MYH14: variants seen among roughly 807,000 people sequenced by gnomAD.
MYH14 encodes the protein myosin-14.
In MYH14, 123 loss-of-function variants were observed where a neutral mutation model predicts 255.5. The ratio of observed to expected loss-of-function variants is 0.48; its 90% CI spans 0.42 to 0.56. MYH14 has a LOEUF of 0.56. MYH14 is among the 20% of genes least tolerant of loss of function. MYH14 has a pLI of 0.00. For missense variants in MYH14, 2,423 were observed against 2,802.3 expected, an observed-to-expected ratio of 0.86 and a Z score of 3.06; for synonymous variants, 1,095 against 1,161.2, an observed-to-expected ratio of 0.94 and a Z score of 1.16.
chr19:50,260,740 CGTGTGTGCGTGTGT>C (rs1355123405), intron 20 of MYH14, 25 bp downstream of exon 20: 7 of 1,468,052 alleles, frequency 4.8e-6, no homozygotes, highest in Non-Finnish European at 6.4e-6. Context: ...GCCTGGAATG[CGTGTGTGCGTGTGT>C]GTGTGTGCGT....
chr19:50,223,081 A>G lies in MYH14; in HGVS notation c.563-2A>G. 6.2e-7 allele frequency: 1 copy of G among 1,613,524 alleles called. No homozygotes were observed. The highest frequency in any genetic ancestry group is 8.5e-7 in the Non-Finnish European group (1 of 1,179,476). On this transcript the variant is annotated splice_acceptor_variant, in intron 3 of 42. Coordinates refer to ENST00000642316, the MANE Select transcript of MYH14 (RefSeq NM_001145809.2). LOFTEE classifies it high-confidence loss of function. Reference sequence around the variant, plus strand: ...CATATTCCCCCACTCTGTCCCCTACAGATCGTGAGGACCAGTCCATTCTCT... The same window carrying G: ...CATATTCCCCCACTCTGTCCCCTACGGATCGTGAGGACCAGTCCATTCTCT...
At chr19:50,305,390 T>A (rs938167311) in intron 40 of MYH14, among the ~76,000 whole-genome samples, 1 of 152,066 alleles carries the variant, frequency 6.6e-6, no homozygotes, top group Non-Finnish European at 1.5e-5. Flanking sequence ...GCCTGGTGAC[T>A]GAGGGAATAT....
chr19:50,259,395 C>G, intron 19 of MYH14, 130 bp downstream of exon 19: 1 of 1,242,834 alleles, frequency 8.0e-7, no homozygotes, highest in Non-Finnish European at 1.1e-6. Context: ...AGGCAGATTA[C>G]TCACTTTGCT....
In MYH14 at chr19:50,252,847, C is replaced by A; in HGVS notation, c.1945+94C>A. 2 of 880,034 alleles carry A rather than the reference C, an allele frequency of 2.3e-6. No individual in the cohort carries two copies. Among genetic ancestry groups the A allele is most frequent in the South Asian group, 1.7e-5 (1 of 60,420 alleles). 54.5% of individuals were successfully genotyped at this position (880,034 alleles called of 1,614,324 possible). A position where few individuals can be genotyped will look rare whatever the true frequency, so the allele number is the denominator to read the frequency against. On this transcript the variant is annotated intron_variant, in intron 16 of 42. Transcript: ENST00000642316. This position sits in a 1 kb window ranked among gnomAD's most constrained non-coding sequence, Gnocchi z 4.2. ...GCACCTTTGTTTCAGAGGCGGAGGTCTGAACCTGAGTTTTCTGCTCAGACC... is the reference window on the plus strand; with the variant it reads ...GCACCTTTGTTTCAGAGGCGGAGGTATGAACCTGAGTTTTCTGCTCAGACC...
chr19:50,217,491 T>C (rs920877658), intron 2 of MYH14, 124 bp from the exon 3 acceptor site: 8 of 1,052,426 alleles, frequency 7.6e-6, no homozygotes, highest in Non-Finnish European at 1.2e-5. Flanking sequence ...TACATTGTTA[T>C]GGTGTAGACA....
At chr19:50,291,175 G>C in intron 36 of MYH14, 127 bp downstream of exon 36, 2 of 776,978 alleles carry the variant, frequency 2.6e-6, no homozygotes, top group Non-Finnish European at 1.9e-6. Context: ...GCATGGGTCA[G>C]CACCTTTATA....
intron 10 of MYH14, among the ~76,000 whole-genome samples, chr19:50,232,603 A>C (rs1188412898): frequency 6.0e-5 from 9 of 151,046 alleles, no homozygotes; most frequent in African/African-American, 1.7e-4. Flanking sequence ...CAAAAAAAAA[A>C]AAAAAAAAAA....
intron 27 of MYH14, 32 bp from the exon 28 acceptor site, chr19:50,275,959 T>TGGGG (rs756259212): frequency 1.9e-6 from 3 of 1,569,932 alleles, no homozygotes; most frequent in Non-Finnish European, 2.6e-6. Context: ...GGCCTGCCCC[T>TGGGG]GTATCAACTC....
intron 39 of MYH14, among the ~76,000 whole-genome samples, chr19:50,294,568 A>C (rs1247385537): frequency 6.6e-6 from 1 of 151,386 alleles, no homozygotes; most frequent in Non-Finnish European, 1.5e-5. Flanking sequence ...TTTCTCTACA[A>C]AATATTTAAA....
chr19:50,221,242 C>T lies in MYH14; in HGVS notation c.563-1841C>T, dbSNP rs193118772. Among the ~76,000 whole-genome samples the T allele has an allele frequency of 2.0e-3, 310 of 152,118 alleles. 4 individuals are homozygous for T. The highest frequency in any genetic ancestry group is 0.017 in the Admixed American group (262 of 15,270). On this transcript the variant is annotated intron_variant, in intron 3 of 42. Transcript: ENST00000642316. This position sits in a 1 kb window ranked among gnomAD's most constrained non-coding sequence, Gnocchi z 5.3. Reference sequence around the variant, plus strand: ...CTGGGAGATGGCAGCTGTTTTGAGCCCCATTTTTCAGATGGGAAAACAGAG... The same window carrying T: ...CTGGGAGATGGCAGCTGTTTTGAGCTCCATTTTTCAGATGGGAAAACAGAG...
chr19:50,249,861 C>A, intron 14 of MYH14, 38 bp downstream of exon 14: 1 of 1,610,584 alleles, frequency 6.2e-7, no homozygotes, highest in Non-Finnish European at 8.5e-7. Context: ...ACTCACGGTT[C>A]AGATCCGTCT....
chr19:50,214,045 A>G (rs550350430), intron 2 of MYH14, among the ~76,000 whole-genome samples: 5 of 152,212 alleles, frequency 3.3e-5, no homozygotes, highest in Admixed American at 3.3e-4. Flanking sequence ...GGCTAGTCTC[A>G]AACTCCTGGA....
chr19:50,230,455 GGC>G lies in MYH14; in HGVS notation c.875-69_875-68del. The G allele has an allele frequency of 7.3e-7, 1 of 1,373,674 alleles. No individual in the cohort carries two copies. 85.1% of individuals were successfully genotyped at this position (1,373,674 alleles called of 1,614,324 possible). On this transcript the variant is annotated intron_variant, in intron 8 of 42. Transcript: ENST00000642316. This position sits in a 1 kb window ranked among gnomAD's most constrained non-coding sequence, Gnocchi z 4.7. ...AGAAGGGGGCAGCGTGGGCAGGGCA[GGC>G]TCCTGTAGTGGCCTGGCAGCGTCGG...
chr19:50,290,254 C>T (rs2036027171), intron 35 of MYH14, among the ~76,000 whole-genome samples: 1 of 152,022 alleles, frequency 6.6e-6, no homozygotes, highest in Non-Finnish European at 1.5e-5. Flanking sequence ...CATCCGCCCT[C>T]CCCTCCATCC....
intron 26 of MYH14, 63 bp downstream of exon 26, chr19:50,272,035 C>T (rs1014219999): frequency 1.9e-6 from 3 of 1,570,196 alleles, no homozygotes; most frequent in South Asian, 2.3e-5. Flanking sequence ...CAGGCAAGCC[C>T]CATGTGCTAC....
chr19:50,264,483 C>A (rs2035010282), intron 22 of MYH14, among the ~76,000 whole-genome samples: 1 of 152,230 alleles, frequency 6.6e-6, no homozygotes, highest in Admixed American at 6.5e-5. Flanking sequence ...GGTAACCTCC[C>A]AGGAGCCCAT....
chr19:50,244,340 A>G lies in MYH14; in HGVS notation c.1210+3A>G. On this transcript the variant is annotated splice_donor_region_variant and intron_variant, in intron 11 of 42. Transcript: ENST00000642316. ...AGCCACCATGCCTGACAACACAGGT[A>G]CTGCCCCCGGCCTGCCTGCCCACGA... 6.2e-7 allele frequency: 1 copy of G among 1,613,010 alleles called. No individual in the cohort carries two copies. Among genetic ancestry groups the G allele is most frequent in the Non-Finnish European group, 8.5e-7 (1 of 1,179,714 alleles).
intron 2 of MYH14, among the ~76,000 whole-genome samples, chr19:50,215,241 G>T (rs1302197253): frequency 6.6e-6 from 1 of 152,190 alleles, no homozygotes; most frequent in African/African-American, 2.4e-5. Flanking sequence ...GTGGGGAGTG[G>T]GTTCCTCCGC....
At chr19:50,283,380 G>A (rs755360287) in intron 33 of MYH14, among the ~76,000 whole-genome samples, 36 of 152,288 alleles carry the variant, frequency 2.4e-4, no homozygotes, top group Non-Finnish European at 3.8e-4. Context: ...TCGGCCTCCC[G>A]AAGTGCTGGG....
Sources: allele counts gnomAD v4.1 joint callset (sites outside exome capture counted in the v4.1 genomes callset), GRCh38; gene constraint gnomAD v4.1.1; non-coding constraint Gnocchi (gnomAD v3.1); transcripts MANE v1.5; gene names NCBI Gene and HGNC (gene_info 2026-07-23, HGNC 2026-07-21).